Variants in MYO1F observed in about 807,000 individuals in gnomAD.
MYO1F encodes the protein unconventional myosin-If.
Under a neutral mutation model 146.6 loss-of-function variants are expected in MYO1F, and 60 were observed. The observed-to-expected ratio is 0.41, with a 90% confidence interval of 0.33 to 0.51. The LOEUF is 0.51. Ranked by LOEUF, MYO1F falls within the 20% of genes least tolerant of loss-of-function variation. The probability of loss-of-function intolerance (pLI) is 0.25; values close to 1 mark genes in which losing one functional copy is unlikely to be tolerated. For synonymous variants in MYO1F, 602 were observed against 602.1 expected, an observed-to-expected ratio of 1.00 and a Z score of 0.00; for missense variants, 1,274 against 1,534.3, an observed-to-expected ratio of 0.83 and a Z score of 2.83.
At chr19:8,524,009 C>T (rs903533989) in intron 25 of MYO1F, among the ~76,000 whole-genome samples, 13 of 150,584 alleles carry the variant, frequency 8.6e-5, no homozygotes, top group Admixed American at 2.0e-4. Flanking sequence ...GTCCCAGCTA[C>T]TCGGGAGGCT....
chr19:8,575,471 C>T (rs971098913), intron 1 of MYO1F, among the ~76,000 whole-genome samples: 8 of 151,952 alleles, frequency 5.3e-5, no homozygotes, highest in African/African-American at 1.7e-4. Context: ...ATGGCGCCCC[C>T]GAGAATCTGA....
chr19:8,573,625 G>A (rs1329000149), intron 1 of MYO1F, among the ~76,000 whole-genome samples: 2 of 152,146 alleles, frequency 1.3e-5, no homozygotes, highest in African/African-American at 4.8e-5. Flanking sequence ...CAAAGCGGGT[G>A]GATCACTTGA....
chr19:8,554,670 T>C lies in MYO1F; in HGVS notation c.215A>G (p.Asp72Gly). The C allele has an allele frequency of 6.2e-7, 1 of 1,613,780 alleles. No homozygotes were observed. The highest frequency in any genetic ancestry group is 1.1e-5 in the South Asian group (1 of 91,072). ...QMPYFTDREI[D>G]LYQGAAQYEN... ...CAGCCTCACCGCGCCCTGATAGAGG[T>C]CGATCTCACGGTCGGTGAAGTAGGG... Residue 72 changes from aspartate to glycine, a missense_variant, in exon 3 of 28, where the codon GAC becomes GGC. Asp to Gly is a moderately conservative substitution (Grantham distance 94). This residue lies in a region of MYO1F where 900 missense variants were observed against 1,155.1 expected (regional missense o/e 0.78). Transcript: ENST00000644032.
chr19:8,551,568 T>C, intron 8 of MYO1F, 172 bp downstream of exon 8: 1 of 903,612 alleles, frequency 1.1e-6, no homozygotes. Flanking sequence ...GCCAGGCCGG[T>C]CTTAAACTCC....
chr19:8,544,269 CAGGGT>C (rs1973236247), intron 14 of MYO1F, 23 bp downstream of exon 14: 6 of 1,610,116 alleles, frequency 3.7e-6, no homozygotes, highest in Non-Finnish European at 3.4e-6. Flanking sequence ...CGAGGAGGCA[CAGGGT>C]AGGGTAGGGG....
Position 8,576,866 on chromosome 19 carries a change from G to A in MYO1F, c.3+441C>T, listed in dbSNP as rs558604420. 411 of 233,272 alleles carry A rather than the reference G, an allele frequency of 1.8e-3. 6 individuals are homozygous for A. The South Asian group carries it at 0.018, about 10-fold the overall frequency. The allele number at this position is 233,272 out of a possible 1,614,324, so 14.5% of individuals were successfully genotyped here. A position where few individuals can be genotyped will look rare whatever the true frequency, so the allele number is the denominator to read the frequency against. ...GAAAGACCCCTGAAGAGCAACTTCCGCATCTAGACGGATTTCCAAATATGA... is the reference window on the plus strand; with the variant it reads ...GAAAGACCCCTGAAGAGCAACTTCCACATCTAGACGGATTTCCAAATATGA... On this transcript the variant is annotated intron_variant, in intron 1 of 27. Transcript: ENST00000644032.
rs7251254 is a variant in MYO1F, at chr19:8,552,222, G to A, written c.505-58C>T. The A allele has an allele frequency of 0.077, 123,467 of 1,593,276 alleles. 10,053 individuals are homozygous for A. Among genetic ancestry groups the A allele is most frequent in the African/African-American group, 0.37 (27,263 of 74,482 alleles). On this transcript the variant is annotated intron_variant, in intron 6 of 27. Transcript: ENST00000644032. Reference sequence around the variant, plus strand: ...TGTCCTGGGGTGCAGGTGGGGGAAGGGTTGGGGATGGGTCTTATGAGCCTT... The same window carrying A: ...TGTCCTGGGGTGCAGGTGGGGGAAGAGTTGGGGATGGGTCTTATGAGCCTT...
At chr19:8,553,574 A>G in intron 4 of MYO1F, 137 bp from the exon 5 acceptor site, 1 of 731,290 alleles carries the variant, frequency 1.4e-6, no homozygotes, top group East Asian at 2.7e-5. Context: ...AACAAGACAG[A>G]TAAAATCTCT....
At position 8,530,039 on chromosome 19, in the gene MYO1F, T is replaced by C. The variant is rs1972415965; in HGVS notation, c.2328+157A>G. 3 of 977,636 alleles carry C rather than the reference T, an allele frequency of 3.1e-6. No individual in the cohort carries two copies. Among genetic ancestry groups the C allele is most frequent in the South Asian group, 2.7e-5 (2 of 75,246 alleles). 60.6% of individuals were successfully genotyped at this position (977,636 alleles called of 1,614,324 possible). A position where few individuals can be genotyped will look rare whatever the true frequency, so the allele number is the denominator to read the frequency against. On this transcript the variant is annotated intron_variant, in intron 21 of 27. Transcript: ENST00000644032. The surrounding 1 kb of genome is among the most constrained non-coding windows in gnomAD (Gnocchi z 5.8). ...GGATCTAGGCTGGGGGATCTATGCCTGTGGGCAGGTGCATATGGGCCAGGT... is the reference window on the plus strand; with the variant it reads ...GGATCTAGGCTGGGGGATCTATGCCCGTGGGCAGGTGCATATGGGCCAGGT...
chr19:8,527,878 G>T (rs1972333307), intron 21 of MYO1F, among the ~76,000 whole-genome samples: 1 of 152,188 alleles, frequency 6.6e-6, no homozygotes, highest in African/African-American at 2.4e-5. Context: ...CTCCCAAAGG[G>T]TTGGGATTAC....
intron 1 of MYO1F, among the ~76,000 whole-genome samples, chr19:8,562,077 C>T (rs1413893642): frequency 4.6e-5 from 7 of 151,760 alleles, no homozygotes; most frequent in Non-Finnish European, 1.0e-4. Flanking sequence ...CTCTGTCGCC[C>T]AGGCTGAAGG....
At chr19:8,576,054 C>A (rs190872672) in intron 1 of MYO1F, among the ~76,000 whole-genome samples, 7 of 152,080 alleles carry the variant, frequency 4.6e-5, no homozygotes, top group African/African-American at 1.4e-4. Context: ...TGGAGTGCAG[C>A]GGCAGGATCT....
chr19:8,558,592 C>T (rs1013823523), intron 1 of MYO1F, among the ~76,000 whole-genome samples: 3 of 152,136 alleles, frequency 2.0e-5, no homozygotes, highest in African/African-American at 7.2e-5. Flanking sequence ...GTGCCTTAAA[C>T]ACCCTGGCTT....
intron 1 of MYO1F, among the ~76,000 whole-genome samples, chr19:8,566,337 T>G (rs2145969892): frequency 6.6e-6 from 1 of 151,080 alleles, no homozygotes; most frequent in Non-Finnish European, 1.5e-5. Flanking sequence ...CCAGCTAATT[T>G]TTTGTATTTT....
At chr19:8,532,253 T>C (rs561758236) in intron 19 of MYO1F, among the ~76,000 whole-genome samples, 1 of 152,138 alleles carries the variant, frequency 6.6e-6, no homozygotes, top group Admixed American at 6.5e-5. Flanking sequence ...CAGCCATCCG[T>C]AGCAGGCCCA....
chr19:8,561,483 T>C (rs1974122970), intron 1 of MYO1F, among the ~76,000 whole-genome samples: 1 of 145,522 alleles, frequency 6.9e-6, no homozygotes, highest in African/African-American at 2.6e-5. Context: ...TCTTTTTCTC[T>C]TTCTTTCGTT....
At chr19:8,539,837 G>T in intron 16 of MYO1F, 110 bp downstream of exon 16, 1 of 963,504 alleles carries the variant, frequency 1.0e-6, no homozygotes, top group Non-Finnish European at 1.6e-6. Context: ...GAAGCCCCAG[G>T]ATTGGTAGAC....
chr19:8,536,839 T>C, intron 17 of MYO1F, 110 bp downstream of exon 17: 1 of 731,540 alleles, frequency 1.4e-6, no homozygotes, highest in South Asian at 1.6e-5. Context: ...GGAGGGGCTG[T>C]GCTAGTCCCT....
In MYO1F at chr19:8,548,255, GT is replaced by G; in HGVS notation, c.1163del (p.Tyr388SerfsTer32). ...EEYSIGVLDIYGFEIFQKNGF... is the reference protein window; with the variant it reads ...EEYSIGVLDIXGFEIFQKNGF... ...GCCGTACCTGGAAGATCTCGAAGCC[GT>G]AAATGTCCAGCACACCGATGCTGTA... On this transcript the variant is annotated frameshift_variant, in exon 11 of 28. Coordinates refer to ENST00000644032, the MANE Select transcript of MYO1F (RefSeq NM_012335.4). LOFTEE classifies it high-confidence loss of function. 6.2e-7 allele frequency: 1 copy of G among 1,614,044 alleles called. No individual in the cohort carries two copies. Among genetic ancestry groups the G allele is most frequent in the Non-Finnish European group, 8.5e-7 (1 of 1,180,008 alleles).
Sources: allele counts gnomAD v4.1 joint callset (sites outside exome capture counted in the v4.1 genomes callset), GRCh38; gene constraint gnomAD v4.1.1; regional missense constraint gnomAD v4.1.1; non-coding constraint Gnocchi (gnomAD v3.1); transcripts MANE v1.5; gene names NCBI Gene and HGNC (gene_info 2026-07-23, HGNC 2026-07-21).